The following IRGM variants were observed in gnomAD, a reference collection of about 807,000 sequenced individuals.
IRGM encodes the protein immunity-related GTPase family M protein.
For synonymous variants in IRGM, 98 were observed against 80.6 expected, an observed-to-expected ratio of 1.22 and a Z score of -1.16; for missense variants, 288 against 219.9, an observed-to-expected ratio of 1.31 and a Z score of -1.96.
downstream of IRGM, among the ~76,000 whole-genome samples, chr5:150,850,401 A>G (rs1268613539): frequency 6.6e-6 from 1 of 152,242 alleles, no homozygotes; most frequent in African/African-American, 2.4e-5. Flanking sequence ...AAGAAAAAAT[A>G]GGTTGTTAGA....
chr5:150,902,161 A>G (rs1405475201), downstream of IRGM, among the ~76,000 whole-genome samples: 1 of 152,124 alleles, frequency 6.6e-6, no homozygotes, highest in East Asian at 1.9e-4. Flanking sequence ...TTAAATGTTT[A>G]TATGCCAATG....
chr5:150,876,265 G>C (rs1192552043), intron 1 of IRGM, among the ~76,000 whole-genome samples: 1 of 152,158 alleles, frequency 6.6e-6, no homozygotes, highest in Non-Finnish European at 1.5e-5. Context: ...CCATAGCCAG[G>C]ATTCACAGGT....
intron 1 of IRGM, among the ~76,000 whole-genome samples, chr5:150,861,354 A>G (rs1754133468): frequency 6.6e-6 from 1 of 152,182 alleles, no homozygotes; most frequent in South Asian, 2.1e-4. Context: ...GGATCCTAGG[A>G]GTGCAAAATT....
chr5:150,847,103 A>T lies in IRGM; in HGVS notation c.-533A>T, dbSNP rs1170340290. The T allele has an allele frequency of 2.0e-5, 3 of 152,322 alleles. No homozygotes were observed. The highest frequency in any genetic ancestry group is 4.8e-5 in the African/African-American group (2 of 41,424). 9.4% of individuals were successfully genotyped at this position (152,322 alleles called of 1,614,324 possible). ...GCTGTCTCCTCCTCTCCCTCACTTC[A>T]GTTGGGCCCAACATGACAGTCTTAA... On this transcript the variant is annotated 5_prime_UTR_variant, in exon 1 of 2. Transcript: ENST00000522154.
At chr5:150,890,926 G>C (rs552560335) in intron 3 of IRGM, among the ~76,000 whole-genome samples, 5 of 152,114 alleles carry the variant, frequency 3.3e-5, no homozygotes, top group African/African-American at 1.2e-4. Flanking sequence ...GGGGTGGGAT[G>C]TTCTACAAAT....
chr5:150,889,361 AC>A (rs1754573308), intron 3 of IRGM, among the ~76,000 whole-genome samples: 2 of 151,940 alleles, frequency 1.3e-5, no homozygotes, highest in Admixed American at 1.3e-4. Context: ...CCTTTATAAA[AC>A]CATCAAAGCT....
downstream of IRGM, among the ~76,000 whole-genome samples, chr5:150,851,633 T>A (rs141783115): frequency 9.5e-4 from 144 of 152,370 alleles, 1 homozygote; most frequent in African/African-American, 3.3e-3. Flanking sequence ...TTCTGAATCT[T>A]GCTTGATTCA....
At chr5:150,859,585 A>G (rs936882760) in intron 1 of IRGM, among the ~76,000 whole-genome samples, 1 of 152,118 alleles carries the variant, frequency 6.6e-6, no homozygotes, top group African/African-American at 2.4e-5. Context: ...TAAGCTATTG[A>G]TTATTGCCTC....
At chr5:150,894,577 G>GT (rs976802061) in intron 3 of IRGM, 2 of 152,218 alleles carry the variant, frequency 1.3e-5, no homozygotes, top group African/African-American at 2.4e-5. Flanking sequence ...CTCAGACGTG[G>GT]TTTTTACACA....
At chr5:150,898,322 G>A in intron 3 of IRGM, 1 of 1,596,752 alleles carries the variant, frequency 6.3e-7, no homozygotes, top group Non-Finnish European at 8.6e-7. Context: ...AAGGTATGAA[G>A]GTCATAAAAG....
chr5:150,876,232 T>C (rs1754361046), intron 1 of IRGM, among the ~76,000 whole-genome samples: 1 of 152,200 alleles, frequency 6.6e-6, no homozygotes, highest in South Asian at 2.1e-4. Flanking sequence ...TGAATCAGCA[T>C]CCAATATATG....
At chr5:150,871,120 G>T (rs143511504) in intron 1 of IRGM, among the ~76,000 whole-genome samples, 12 of 152,266 alleles carry the variant, frequency 7.9e-5, no homozygotes, top group Non-Finnish European at 1.6e-4. Context: ...GAAACTGAAA[G>T]CAATGGCTGT....
At chr5:150,863,795 G>A (rs552640218) in intron 1 of IRGM, among the ~76,000 whole-genome samples, 47 of 152,254 alleles carry the variant, frequency 3.1e-4, no homozygotes, top group Non-Finnish European at 5.3e-4. Flanking sequence ...GTGCTATATA[G>A]CCTAACCTTT....
chr5:150,853,527 G>T (rs1343153688), downstream of IRGM, among the ~76,000 whole-genome samples: 3 of 152,044 alleles, frequency 2.0e-5, no homozygotes, highest in Non-Finnish European at 4.4e-5. Context: ...CTGTAGACCT[G>T]TCTATTTGTT....
chr5:150,898,077 C>T (rs1581660623), intron 3 of IRGM: 1 of 1,611,134 alleles, frequency 6.2e-7, no homozygotes, highest in African/African-American at 1.3e-5. Flanking sequence ...CTCCCATCTG[C>T]CTGATATTCA....
chr5:150,896,652 G>T, intron 3 of IRGM: 1 of 1,613,262 alleles, frequency 6.2e-7, no homozygotes, highest in Non-Finnish European at 8.5e-7. Context: ...GTCAATATTT[G>T]GTTTTAAGTT....
chr5:150,853,000 G>T (rs1753997419), downstream of IRGM, among the ~76,000 whole-genome samples: 1 of 152,000 alleles, frequency 6.6e-6, no homozygotes, highest in Non-Finnish European at 1.5e-5. Context: ...TTTGGGTTTA[G>T]ATCATTATTC....
downstream of IRGM, among the ~76,000 whole-genome samples, chr5:150,901,469 T>C (rs966146592): frequency 6.6e-6 from 1 of 152,010 alleles, no homozygotes; most frequent in Non-Finnish European, 1.5e-5. Flanking sequence ...CACATTTGGC[T>C]GATGGCTACT....
downstream of IRGM, among the ~76,000 whole-genome samples, chr5:150,850,040 G>C (rs1424662865): frequency 6.6e-6 from 1 of 152,182 alleles, no homozygotes; most frequent in Non-Finnish European, 1.5e-5. Context: ...AGAGATGCCT[G>C]TATAGATGGT....
Sources: gnomAD v4.1 joint callset for allele counts (sites outside exome capture counted in the v4.1 genomes callset) on GRCh38, gnomAD v4.1.1 for gene constraint, MANE v1.5 for transcripts, NCBI Gene and HGNC (gene_info 2026-07-23, HGNC 2026-07-21) for gene names.